SLC4A7: variants seen among roughly 807,000 people sequenced by gnomAD.
SLC4A7 encodes the protein sodium bicarbonate cotransporter 3.
SLC4A7 carries 51 observed loss-of-function variants against 137.6 expected under a neutral mutation model. The observed-to-expected ratio is 0.37, with a 90% CI of 0.30 to 0.47. The LOEUF is 0.47. SLC4A7 is among the 20% of genes least tolerant of loss of function. SLC4A7 has a pLI of 1.00. For synonymous variants in SLC4A7, 542 were observed against 518.6 expected, an observed-to-expected ratio of 1.05 and a Z score of -0.61; for missense variants, 1,247 against 1,525.4, an observed-to-expected ratio of 0.82 and a Z score of 3.04.
chr3:27,426,257 T>C (rs1198263910), intron 7 of SLC4A7, among the ~76,000 whole-genome samples: 2 of 152,196 alleles, frequency 1.3e-5, no homozygotes, highest in Non-Finnish European at 1.5e-5. Context: ...AATTCCGAAA[T>C]ACAAACGATT....
intron 7 of SLC4A7, 141 bp from the exon 8 acceptor site, chr3:27,424,293 G>A: frequency 2.1e-6 from 1 of 483,362 alleles, no homozygotes; most frequent in Non-Finnish European, 3.7e-6. Flanking sequence ...CCCGGTGTTA[G>A]TAACATACCA....
At chr3:27,452,817 T>C (rs1455935123) in intron 1 of SLC4A7, among the ~76,000 whole-genome samples, 2 of 152,102 alleles carry the variant, frequency 1.3e-5, no homozygotes, top group African/African-American at 4.8e-5. Context: ...TTAAAGAAAA[T>C]GTGATGTGAG....
Position 27,391,788 on chromosome 3 carries a change from C to T in SLC4A7, c.3138G>A (p.Leu1046=). 1.3e-6 allele frequency: 2 copies of T among 1,596,552 alleles called. No individual in the cohort carries two copies. Among genetic ancestry groups the T allele is most frequent in the Non-Finnish European group, 1.7e-6 (2 of 1,167,866 alleles). Residue 1046 remains leucine (L), a synonymous_variant, in exon 21 of 26, where the codon CTG becomes CTA. Coordinates refer to ENST00000454389, the MANE Select transcript of SLC4A7 (RefSeq NM_001321103.2). ...CTCCCATATAAAGGAAAACACCATA[C>T]AGAACAGGCATTGGAATAAACTGTA... ...SVLKFIPMPV[L]YGVFLYMGVS... is the part of the protein sequence containing the mutation.
rs1263090071 is a variant in SLC4A7, at chr3:27,433,933, T to A, written c.761A>T (p.His254Leu). The part of the protein sequence containing the change: ...ADIGKKHSDP[H>L]LLERNGEGLS... The stretch of plus-strand genomic sequence containing the variant: ...TATCTCACCATTCCTTTCAAGCAAG[T>A]GAGGGTCAGAATGTTTCTTGCCTAT... The change falls in exon 6 of 26, where the codon CAC becomes CTC. Residue 254 changes from histidine to leucine, a missense_variant. His to Leu is a moderately conservative substitution (Grantham distance 99, BLOSUM62 -3). This residue lies in a region of SLC4A7 where 223 missense variants were observed against 203.6 expected (regional missense o/e 1.10). Transcript: ENST00000454389. The A allele has an allele frequency of 6.2e-7, 1 of 1,613,676 alleles. No homozygotes were observed. Among genetic ancestry groups the A allele is most frequent in the East Asian group, 2.2e-5 (1 of 44,800 alleles).
chr3:27,448,543 T>C (rs1246681824), intron 3 of SLC4A7, 108 bp downstream of exon 3: 10 of 829,864 alleles, frequency 1.2e-5, no homozygotes, highest in African/African-American at 1.0e-4. Context: ...ACAATGTGAC[T>C]ACATTAATGC....
At chr3:27,382,269 C>T (rs573027184) in intron 24 of SLC4A7, among the ~76,000 whole-genome samples, 2 of 152,076 alleles carry the variant, frequency 1.3e-5, no homozygotes, top group South Asian at 4.2e-4. Flanking sequence ...ACAGGCACCA[C>T]CACACCCAGC....
chr3:27,467,700 G>A (rs569661276), intron 1 of SLC4A7, among the ~76,000 whole-genome samples: 44 of 152,114 alleles, frequency 2.9e-4, no homozygotes, highest in Admixed American at 1.4e-3. Flanking sequence ...TAATTTGGGC[G>A]ACCATTTCAG....
chr3:27,464,947 C>A (rs2058901712), intron 1 of SLC4A7, among the ~76,000 whole-genome samples: 1 of 152,092 alleles, frequency 6.6e-6, no homozygotes, highest in African/African-American at 2.4e-5. Flanking sequence ...GTTGTTCTTT[C>A]TTTTTCGCCC....
rs761555554 is a variant in SLC4A7 at position 27,421,756 on chromosome 3, T to C, written c.1290A>G (p.Lys430=). 6 of 1,612,720 alleles carry C rather than the reference T, an allele frequency of 3.7e-6. 1 individual carries two copies. Among genetic ancestry groups the C allele is most frequent in the Non-Finnish European group, 5.1e-6 (6 of 1,179,164 alleles). Residue 430 remains lysine, a synonymous_variant, in exon 9 of 26, where the codon AAA becomes AAG. Transcript: ENST00000454389. ...FSKVDMNFMR[K]IPTGAEASNV... ...TGGATGCCTCAGCACCCGTAGGAAT[T>C]TTTCTCATGAAATTCATATCAACCT...
chr3:27,433,705 CA>C (rs1401500975), intron 6 of SLC4A7, among the ~76,000 whole-genome samples: 1 of 151,706 alleles, frequency 6.6e-6, no homozygotes, highest in Non-Finnish European at 1.5e-5. Flanking sequence ...TTTAGAATTT[CA>C]AAAAGGTAAT....
At chr3:27,404,330 G>A (rs1384032824) in intron 14 of SLC4A7, among the ~76,000 whole-genome samples, 1 of 152,186 alleles carries the variant, frequency 6.6e-6, no homozygotes, top group Non-Finnish European at 1.5e-5. Context: ...TCGCACCACT[G>A]CACTCCAGCC....
chr3:27,450,596 G>C (rs1270583306), intron 2 of SLC4A7, among the ~76,000 whole-genome samples: 9 of 152,022 alleles, frequency 5.9e-5, no homozygotes, highest in Admixed American at 5.9e-4. Flanking sequence ...TAGTACTAAT[G>C]GGTCTTGGCA....
chr3:27,397,782 T>G lies in SLC4A7; in HGVS notation c.2605A>C (p.Ser869Arg). 1 of 1,597,002 alleles carries G rather than the reference T, an allele frequency of 6.3e-7. No homozygotes were observed. Among genetic ancestry groups the G allele is most frequent in the Non-Finnish European group, 8.6e-7 (1 of 1,166,490 alleles). The change falls in exon 18 of 26, where the codon AGT (serine) becomes CGT (arginine). Residue 869 changes from serine (S) to arginine (R), a missense_variant. Ser to Arg is a moderately radical substitution (Grantham distance 110). Transcript: ENST00000454389. ...YFPTKVRSTI[S>R]DFAVFLTIVI... The stretch of plus-strand genomic sequence containing the variant: ...ATTGTGAGAAATACAGCAAAATCAC[T>G]GATTGTCGATCGCACCTATGTTAAA...
chr3:27,452,276 C>T (rs998762310), intron 2 of SLC4A7, 141 bp downstream of exon 2: 14 of 528,814 alleles, frequency 2.6e-5, no homozygotes, highest in South Asian at 8.9e-5. Context: ...TTTCAAATGG[C>T]ACTCTTCTCA....
At chr3:27,388,595 T>C (rs1380422149) in intron 22 of SLC4A7, among the ~76,000 whole-genome samples, 1 of 152,146 alleles carries the variant, frequency 6.6e-6, no homozygotes, top group Non-Finnish European at 1.5e-5. Context: ...AAATAATCCA[T>C]TTGTTCCAGG....
chr3:27,432,556 G>A (rs2056400581), intron 6 of SLC4A7, among the ~76,000 whole-genome samples: 1 of 152,110 alleles, frequency 6.6e-6, no homozygotes, highest in Non-Finnish European at 1.5e-5. Context: ...TGAAAAACAT[G>A]CAAATACAAT....
rs2150296518 is a variant in SLC4A7 at position 27,420,751 on chromosome 3, T to C, written c.1461A>G (p.Ala487=). The C allele has an allele frequency of 6.2e-7, 1 of 1,613,728 alleles. No individual in the cohort carries two copies. The highest frequency in any genetic ancestry group is 8.5e-7 in the Non-Finnish European group (1 of 1,179,798). Residue 487 remains alanine (A), a synonymous_variant, in exon 10 of 26, where the codon GCA becomes GCG. Transcript: ENST00000454389. ...LFLLLGPAGK[A]PQYHEIGRSI... ...ATCGTCCAATTTCATGGTACTGTGG[T>C]GCCTTGCCCGCTGGACCCAATAACA...
chr3:27,438,487 A>G (rs1386868997), intron 3 of SLC4A7, among the ~76,000 whole-genome samples: 1 of 152,178 alleles, frequency 6.6e-6, no homozygotes, highest in Non-Finnish European at 1.5e-5. Context: ...CCTGGGCGAC[A>G]GAGCAAGACT....
Position 27,375,028 on chromosome 3 carries a change from A to G in SLC4A7, c.*1736T>C, listed in dbSNP as rs2149972489. The G allele has an allele frequency of 6.6e-6, 1 of 152,322 alleles. No homozygotes were observed. Among genetic ancestry groups the G allele is most frequent in the South Asian group, 2.1e-4 (1 of 4,826 alleles). The allele number at this position is 152,322 out of a possible 1,614,324, so 9.4% of individuals were successfully genotyped here. ...GACAGCTACATATTTTCTAAAGAAA[A>G]GCAGCTACATTTCCAACCTCTCATC... On this transcript the variant is annotated 3_prime_UTR_variant, in exon 26 of 26. Coordinates refer to ENST00000454389, the MANE Select transcript of SLC4A7 (RefSeq NM_001321103.2).
Sources: allele counts gnomAD v4.1 joint callset (sites outside exome capture counted in the v4.1 genomes callset), GRCh38; gene constraint gnomAD v4.1.1; regional missense constraint gnomAD v4.1.1; transcripts MANE v1.5; gene names NCBI Gene and HGNC (gene_info 2026-07-23, HGNC 2026-07-21).